ADORA2B: variants seen among roughly 807,000 people sequenced by gnomAD.
ADORA2B encodes adenosine A2b receptor.
A neutral mutation model predicts 20.8 loss-of-function variants in ADORA2B; 18 were observed. That is an observed-to-expected ratio of 0.87 (90% CI 0.60 to 1.29). The LOEUF is 1.29. ADORA2B is among the 50% of genes most tolerant of loss of function. The pLI, the probability that ADORA2B is intolerant of heterozygous loss-of-function variation, is 0.00. For synonymous variants in ADORA2B, 179 were observed against 178.3 expected, an observed-to-expected ratio of 1.00 and a Z score of -0.03; for missense variants, 441 against 422.7, an observed-to-expected ratio of 1.04 and a Z score of -0.38.
the ADORA2B span, among the ~76,000 whole-genome samples, chr17:15,872,400 T>C: frequency 6.6e-6 from 1 of 152,184 alleles, no homozygotes; most frequent in African/African-American, 2.4e-5. Flanking sequence ...AGGCTCTTTT[T>C]TGGTTCCATA....
At chr17:15,933,789 T>G in the ADORA2B span, among the ~76,000 whole-genome samples, 106,376 of 151,770 alleles carry the variant, frequency 0.7, 37,422 homozygotes, top group East Asian at 0.81. Flanking sequence ...TATATATATA[T>G]AGAGAGAGAG....
the ADORA2B span, among the ~76,000 whole-genome samples, chr17:15,912,569 G>A: frequency 1.3e-5 from 2 of 152,164 alleles, no homozygotes; most frequent in Non-Finnish European, 2.9e-5. Flanking sequence ...AGCAGCCACG[G>A]CTCACTTCCC....
At chr17:15,958,580 T>G (rs1310033659) in intron 1 of ADORA2B, among the ~76,000 whole-genome samples, 1 of 152,206 alleles carries the variant, frequency 6.6e-6, no homozygotes, top group Non-Finnish European at 1.5e-5. Flanking sequence ...GGCCTAGGTC[T>G]GCTTCTGGCC....
chr17:15,946,687 A>G (rs1224204843), intron 1 of ADORA2B, among the ~76,000 whole-genome samples: 1 of 152,148 alleles, frequency 6.6e-6, no homozygotes, highest in African/African-American at 2.4e-5. Context: ...TGTAACCTTC[A>G]TCTCGTAGAG....
At chr17:15,863,801 G>A in the ADORA2B span, among the ~76,000 whole-genome samples, 1 of 152,196 alleles carries the variant, frequency 6.6e-6, no homozygotes, top group Non-Finnish European at 1.5e-5. Flanking sequence ...AGATGGATGA[G>A]CAACAGATGG....
At chr17:15,959,188 G>A (rs1352262578) in intron 1 of ADORA2B, among the ~76,000 whole-genome samples, 1 of 152,146 alleles carries the variant, frequency 6.6e-6, no homozygotes, top group Non-Finnish European at 1.5e-5. Flanking sequence ...GTTACAGAGG[G>A]ATAAAATGCC....
chr17:15,874,119 C>A, the ADORA2B span, among the ~76,000 whole-genome samples: 1 of 85,334 alleles, frequency 1.2e-5, no homozygotes, highest in African/African-American at 3.7e-5. Flanking sequence ...TATATACATA[C>A]ACACACACAC....
chr17:15,944,669 C>T (rs961071605), upstream of ADORA2B, among the ~76,000 whole-genome samples: 3 of 152,090 alleles, frequency 2.0e-5, no homozygotes, highest in African/African-American at 7.2e-5. The surrounding 1 kb of genome is among the most constrained non-coding windows in gnomAD (Gnocchi z 4.8). Context: ...CGAGCGGGGA[C>T]TGCGGCCTCG....
the ADORA2B span, among the ~76,000 whole-genome samples, chr17:15,870,062 T>C: frequency 1.3e-5 from 2 of 150,074 alleles, no homozygotes; most frequent in Non-Finnish European, 3.0e-5. Flanking sequence ...ATAAGTTTCG[T>C]AAGCACACAG....
chr17:15,876,473 A>T, the ADORA2B span, among the ~76,000 whole-genome samples: 2 of 104,338 alleles, frequency 1.9e-5, no homozygotes, highest in Non-Finnish European at 1.9e-5. Context: ...TTGTCATGCT[A>T]GTCACTCACT....
the ADORA2B span, among the ~76,000 whole-genome samples, chr17:15,892,654 CTT>C: frequency 6.5e-4 from 79 of 121,870 alleles, no homozygotes; most frequent in Non-Finnish European, 6.4e-4. Flanking sequence ...TTCTTTCTTT[CTT>C]TTTTTTTTTT....
the ADORA2B span, among the ~76,000 whole-genome samples, chr17:15,929,650 A>G: frequency 1.3e-5 from 2 of 152,246 alleles, no homozygotes; most frequent in Admixed American, 1.3e-4. Context: ...TAAACAAAAC[A>G]TGATTCATTT....
At chr17:15,895,200 A>G in the ADORA2B span, among the ~76,000 whole-genome samples, 1 of 152,148 alleles carries the variant, frequency 6.6e-6, no homozygotes, top group African/African-American at 2.4e-5. Flanking sequence ...TAACATTTAA[A>G]TGTTAAGCTC....
chr17:15,907,504 C>T, the ADORA2B span, among the ~76,000 whole-genome samples: 1 of 152,184 alleles, frequency 6.6e-6, no homozygotes, highest in Non-Finnish European at 1.5e-5. Context: ...TGTCCAGTGA[C>T]ACAAATTTCA....
the ADORA2B span, among the ~76,000 whole-genome samples, chr17:15,867,245 C>T: frequency 6.6e-6 from 1 of 152,034 alleles, no homozygotes; most frequent in Admixed American, 6.5e-5. Context: ...CCTGGCCGCC[C>T]ATTGTCTGGG....
chr17:15,917,643 G>T, the ADORA2B span, among the ~76,000 whole-genome samples: 1 of 152,224 alleles, frequency 6.6e-6, no homozygotes, highest in Non-Finnish European at 1.5e-5. Flanking sequence ...CCCGGGGCCG[G>T]ACTCCAGCGG....
the ADORA2B span, among the ~76,000 whole-genome samples, chr17:15,926,728 T>G: frequency 1.3e-5 from 2 of 152,146 alleles, no homozygotes; most frequent in African/African-American, 2.4e-5. Context: ...GTTTTTTTGT[T>G]GGGAGGCCGA....
chr17:15,950,426 C>G (rs913922104), intron 1 of ADORA2B, among the ~76,000 whole-genome samples: 3 of 152,176 alleles, frequency 2.0e-5, no homozygotes, highest in Admixed American at 6.5e-5. Context: ...GATCAACGCC[C>G]CTTCACTTCC....
At chr17:15,850,696 T>G in the ADORA2B span, 1 of 167,526 alleles carries the variant, frequency 6.0e-6, no homozygotes, top group Non-Finnish European at 1.5e-5. Context: ...GAATAACCAC[T>G]GCTTATGGTT....
Sources: gnomAD v4.1 joint callset for allele counts (sites outside exome capture counted in the v4.1 genomes callset) on GRCh38, gnomAD v4.1.1 for gene constraint, Gnocchi (gnomAD v3.1) non-coding constraint, MANE v1.5 for transcripts, NCBI Gene and HGNC (gene_info 2026-07-23, HGNC 2026-07-21) for gene names.